The following RNF213 variants were observed in gnomAD, a reference collection of about 807,000 sequenced individuals.
The protein encoded by RNF213 is E3 ubiquitin-protein ligase RNF213.
A neutral mutation model predicts 514.4 loss-of-function variants in RNF213; 341 were observed. The ratio of observed to expected loss-of-function variants is 0.66; its 90% CI spans 0.61 to 0.73. The LOEUF is 0.73. Ranked by LOEUF, RNF213 falls within the 30% of genes least tolerant of loss-of-function variation. The pLI, the probability that RNF213 is intolerant of heterozygous loss-of-function variation, is 0.00. For synonymous variants in RNF213, 2,655 were observed against 2,658.2 expected, an observed-to-expected ratio of 1.00 and a Z score of 0.04; for missense variants, 5,767 against 6,615.6, an observed-to-expected ratio of 0.87 and a Z score of 4.45.
intron 67 of RNF213, 39 bp downstream of exon 67, chr17:80,390,235 T>C: frequency 6.3e-7 from 1 of 1,591,456 alleles, no homozygotes; most frequent in Non-Finnish European, 8.6e-7. Flanking sequence ...GCAGACACAA[T>C]GTTGTGCTGT....
chr17:80,355,704 G>T (rs144383562), intron 36 of RNF213, among the ~76,000 whole-genome samples: 774 of 25,230 alleles, frequency 0.031, 199 homozygotes, highest in African/African-American at 0.11. Context: ...GGGAATGGGG[G>T]CTTACAGAGG....
chr17:80,374,043 A>G (rs915460911), intron 49 of RNF213, among the ~76,000 whole-genome samples: 4 of 150,940 alleles, frequency 2.7e-5, no homozygotes, highest in Non-Finnish European at 4.4e-5. Context: ...AAGGCCTCTC[A>G]GTGGTCCTTT....
At position 80,319,303 on chromosome 17, in the gene RNF213, A is replaced by G. The variant is rs2046057131; in HGVS notation, c.3015A>G (p.Ser1005=). 6.2e-7 allele frequency: 1 copy of G among 1,614,170 alleles called. No homozygotes were observed. Among genetic ancestry groups the G allele is most frequent in the Non-Finnish European group, 8.5e-7 (1 of 1,180,036 alleles). The change falls in exon 17 of 68, where the codon TCA becomes TCG. Residue 1005 remains serine, a synonymous_variant. Transcript: ENST00000582970. ...AATGCATCATTGAAGCCGTGAGCTC[A>G]GCCTGCCAGGTGAACAATCTCTCCT... ...FEKCIIEAVS[S]ACQSQTSILQ...
At chr17:80,349,651 T>C (rs1231422237) in intron 29 of RNF213, 119 bp from the exon 30 acceptor site, 3 of 1,137,408 alleles carry the variant, frequency 2.6e-6, no homozygotes, top group Non-Finnish European at 4.0e-6. Flanking sequence ...TCTGTGCCGT[T>C]GTGTGGCAAC....
In RNF213 at chr17:80,295,758, A is replaced by G. The variant is rs2044917939; in HGVS notation, c.1957A>G (p.Ser653Gly). Residue 653 changes from serine (S) to glycine (G), a missense_variant, in exon 10 of 68, where the codon AGC becomes GGC. By Grantham distance (56) the Ser-to-Gly change is moderately conservative. This residue lies in a region of RNF213 where 592 missense variants were observed against 673.9 expected (regional missense o/e 0.88). Transcript: ENST00000582970. ...GTGTCACCTCCTAACCTCAGATGCC[A>G]GCTCACCAGATGAGTTTCACCGTGA... ...WLCHLLTSDASSPDEFHRDLS... is the reference protein window; with the variant it reads ...WLCHLLTSDAGSPDEFHRDLS... 5 of 1,614,210 alleles carry G rather than the reference A, an allele frequency of 3.1e-6. No individual in the cohort carries two copies. Among genetic ancestry groups the G allele is most frequent in the Non-Finnish European group, 2.5e-6 (3 of 1,180,042 alleles).
At position 80,294,874 on chromosome 17, in the gene RNF213, G is replaced by C. The variant is rs771922492; in HGVS notation, c.1626G>C (p.Gln542His). The C allele has an allele frequency of 1.9e-5, 31 of 1,614,098 alleles. No homozygotes were observed. In the South Asian group the frequency reaches 3.1e-4, roughly 16 times the overall value. ...LMLDSTFSIL[Q>H]TWDTINLNSF... ...TGGACAGCACCTTCAGCATCCTGCA[G>C]ACCTGGGACACCATCAACCTGAACA... The change falls in exon 9 of 68, where the codon CAG becomes CAC. Residue 542 changes from glutamine to histidine, a missense_variant. Around this residue, in one of 13 missense-constraint regions of RNF213, gnomAD observed 592 missense variants for 673.9 expected, o/e 0.88. Transcript: ENST00000582970.
At chr17:80,271,197 G>C (rs2043810993) in intron 2 of RNF213, among the ~76,000 whole-genome samples, 8 of 152,164 alleles carry the variant, frequency 5.3e-5, no homozygotes, top group Admixed American at 4.6e-4. Context: ...ATGGGGCCTT[G>C]GGTCGCCTGT....
intron 22 of RNF213, among the ~76,000 whole-genome samples, chr17:80,335,666 T>C (rs988484430): frequency 6.6e-6 from 1 of 152,080 alleles, no homozygotes; most frequent in Admixed American, 6.6e-5. Flanking sequence ...CGGCAAGATA[T>C]CGTTTAGTGC....
At chr17:80,373,877 C>T (rs1025797862) in intron 49 of RNF213, among the ~76,000 whole-genome samples, 2 of 152,066 alleles carry the variant, frequency 1.3e-5, no homozygotes, top group Non-Finnish European at 2.9e-5. Flanking sequence ...ATGGTGGGTG[C>T]TTGTAATCCC....
rs781699586 is a variant in RNF213 at position 80,389,364 on chromosome 17, A to G, written c.15192A>G (p.Leu5064=). 8.7e-6 allele frequency: 14 copies of G among 1,613,834 alleles called. No homozygotes were observed. The South Asian group carries it at 1.5e-4, about 18-fold the overall frequency. The change falls in exon 65 of 68, where the codon TTA becomes TTG. Residue 5064 remains leucine, a synonymous_variant. Coordinates refer to ENST00000582970, the MANE Select transcript of RNF213 (RefSeq NM_001256071.3). The part of the protein sequence containing the change: ...LQMGDQTIHV[L]KALNRCQLKH... ...TGGGTGATCAGACGATTCACGTGTT[A>G]AAGGTGGGTCTCACACCGAAAAGGA...
intron 35 of RNF213, 38 bp downstream of exon 35, chr17:80,354,204 G>A (rs374873588): frequency 5.8e-5 from 94 of 1,607,786 alleles, no homozygotes; most frequent in Non-Finnish European, 7.5e-5. Flanking sequence ...CTGCCCCCAC[G>A]TGGGCTCTTC....
Position 80,377,828 on chromosome 17 carries a change from G to A in RNF213, c.13545+32G>A, listed in dbSNP as rs779238026. The A allele has an allele frequency of 3.1e-6, 5 of 1,613,546 alleles. No individual in the cohort carries two copies. The African/African-American group carries it at 5.3e-5, about 17-fold the overall frequency. ...CTTGGTATTTAAGATAGGGTTTGAG[G>A]GGTGGCGTGCACTCCTGGGTTGGAG... On this transcript the variant is annotated intron_variant, in intron 54 of 67. Transcript: ENST00000582970. This position sits in a 1 kb window ranked among gnomAD's most constrained non-coding sequence, Gnocchi z 4.1.
intron 15 of RNF213, among the ~76,000 whole-genome samples, chr17:80,314,266 A>T (rs1465311020): frequency 4.8e-5 from 4 of 84,196 alleles, no homozygotes; most frequent in Non-Finnish European, 6.6e-5. Context: ...ATGGTGGTAA[A>T]GGTGATGGTG....
rs377760420 is a variant in RNF213, at chr17:80,385,043, C to T, written c.14327C>T (p.Ala4776Val). ...GGGTGGTCTTCCCTTCTCCAGGAAG[C>T]AGAGCTGAGGCTGGTAAAGTTCCTG... Reference protein sequence around the residue: ...PILWHFLQKEAELRLVKFLPE... With the variant: ...PILWHFLQKEVELRLVKFLPE... Residue 4776 changes from alanine to valine, a missense_variant, in exon 60 of 68, where the codon GCA becomes GTA. By Grantham distance (64) the Ala-to-Val change is moderately conservative. Coordinates refer to ENST00000582970, the MANE Select transcript of RNF213 (RefSeq NM_001256071.3). 4 of 1,614,166 alleles carry T rather than the reference C, an allele frequency of 2.5e-6. No homozygotes were observed. In the South Asian group the frequency reaches 3.3e-5, roughly 13 times the overall value.
intron 25 of RNF213, 133 bp downstream of exon 25, chr17:80,338,130 T>C: frequency 8.7e-7 from 1 of 1,150,332 alleles, no homozygotes; most frequent in Non-Finnish European, 1.2e-6. Flanking sequence ...CTTAGGCCCA[T>C]GGAGAGTAGA....
At chr17:80,351,839 GTATTTATTTATT>G in intron 32 of RNF213, 36 bp downstream of exon 32, 1 of 1,123,404 alleles carries the variant, frequency 8.9e-7, no homozygotes, top group Non-Finnish European at 1.4e-6. Context: ...ATTTATTTAT[GTATTTATTTATT>G]TATTTGTATC....
Position 80,390,074 on chromosome 17 carries a change from C to T in RNF213, c.15348C>T (p.Leu5116=). The T allele has an allele frequency of 1.2e-6, 2 of 1,614,206 alleles. No homozygotes were observed. The highest frequency in any genetic ancestry group is 1.7e-6 in the Non-Finnish European group (2 of 1,180,030). ...ATCTGAGCCCGGAAAATGCTAAGCT[C>T]CTCAGCACATTCCTAAATCAGACTG... ...KADLSPENAK[L]LSTFLNQTGL... is the part of the protein sequence containing the mutation. The change falls in exon 67 of 68, where the codon CTC becomes CTT. Residue 5116 remains leucine (L), a synonymous_variant. Transcript: ENST00000582970.
chr17:80,375,262 T>C (rs947342551), intron 50 of RNF213, among the ~76,000 whole-genome samples: 1 of 152,198 alleles, frequency 6.6e-6, no homozygotes, highest in African/African-American at 2.4e-5. Flanking sequence ...AGCCCAAAAG[T>C]TGCTCGCCAG....
At chr17:80,378,656 G>A (rs2079859538) in intron 54 of RNF213, among the ~76,000 whole-genome samples, 2 of 152,038 alleles carry the variant, frequency 1.3e-5, no homozygotes, top group South Asian at 2.1e-4. Context: ...AGATACGGAG[G>A]GAGAAAAACT....
Sources: gnomAD v4.1 joint callset for allele counts (sites outside exome capture counted in the v4.1 genomes callset) on GRCh38, gnomAD v4.1.1 for gene constraint, gnomAD v4.1.1 regional missense constraint, Gnocchi (gnomAD v3.1) non-coding constraint, MANE v1.5 for transcripts, NCBI Gene and HGNC (gene_info 2026-07-23, HGNC 2026-07-21) for gene names.